The following MEIS2 variants were observed in gnomAD, a reference collection of about 807,000 sequenced individuals.
The protein encoded by MEIS2 is homeobox protein Meis2.
In MEIS2, 9 loss-of-function variants were observed where a neutral mutation model predicts 58.6. The observed-to-expected ratio is 0.15, with a 90% CI of 0.09 to 0.27. The LOEUF is 0.27. Ranked by LOEUF, MEIS2 falls within the 10% of genes least tolerant of loss-of-function variation. The probability of loss-of-function intolerance (pLI) is 1.00; values close to 1 mark genes in which losing one functional copy is unlikely to be tolerated. For missense variants in MEIS2, 427 were observed against 635.0 expected (o/e 0.67, Z 3.52); for synonymous variants, 221 against 228.4 (o/e 0.97, Z 0.29).
intron 9 of MEIS2, among the ~76,000 whole-genome samples, chr15:36,934,465 C>T (rs1595756421): frequency 6.6e-6 from 1 of 152,248 alleles, no homozygotes; most frequent in Non-Finnish European, 1.5e-5. Context: ...TCATCAGCCT[C>T]TTCCCTTGGT....
rs1031349912 is a variant in MEIS2 at position 37,036,677 on chromosome 15, T to G, written c.900+137A>C. On this transcript the variant is annotated intron_variant, in intron 8 of 11. Coordinates refer to ENST00000561208, the MANE Select transcript of MEIS2 (RefSeq NM_170675.5). ...TAATAGTTGATGAAAAAAAAAACTT[T>G]AACTAGTCTGTTAGTCATCAGATTT... The G allele has an allele frequency of 6.1e-6, 6 of 981,170 alleles. No homozygotes were observed. In the African/African-American group the frequency reaches 1.0e-4, roughly 16 times the overall value. The allele number at this position is 981,170 out of a possible 1,614,324, so 60.8% of individuals were successfully genotyped here.
At chr15:37,049,236 G>A (rs1384184651) in intron 7 of MEIS2, among the ~76,000 whole-genome samples, 3 of 152,062 alleles carry the variant, frequency 2.0e-5, no homozygotes, top group African/African-American at 4.8e-5. Flanking sequence ...ATCATTCTTC[G>A]TATAGCCTAT....
intron 3 of MEIS2, chr15:37,096,003 T>G: frequency 2.3e-6 from 1 of 432,100 alleles, no homozygotes; most frequent in Non-Finnish European, 4.2e-6. Context: ...CTTGTTCAAG[T>G]AGCTGGAGGC....
At chr15:37,090,941 C>T (rs936036292) in intron 6 of MEIS2, among the ~76,000 whole-genome samples, 6 of 152,170 alleles carry the variant, frequency 3.9e-5, no homozygotes, top group African/African-American at 1.4e-4. Context: ...AAACAACGCG[C>T]TGTCTGGGCC....
chr15:36,919,712 A>C (rs894242845), intron 9 of MEIS2, among the ~76,000 whole-genome samples: 4 of 152,210 alleles, frequency 2.6e-5, no homozygotes, highest in African/African-American at 9.6e-5. Context: ...TAAACATTGG[A>C]GGATGAACAT....
intron 7 of MEIS2, among the ~76,000 whole-genome samples, chr15:37,055,506 A>T (rs955690772): frequency 6.6e-6 from 1 of 152,290 alleles, no homozygotes; most frequent in South Asian, 2.1e-4. Flanking sequence ...ACATTACTCG[A>T]CTTCGGAAAC....
chr15:36,917,449 C>A (rs572658061), intron 9 of MEIS2, among the ~76,000 whole-genome samples: 2 of 152,246 alleles, frequency 1.3e-5, no homozygotes, highest in East Asian at 3.9e-4. Context: ...CGAAAGTAAG[C>A]CTTTACTCTG....
intron 8 of MEIS2, among the ~76,000 whole-genome samples, chr15:36,960,814 C>A (rs536427752): frequency 6.6e-6 from 1 of 152,172 alleles, no homozygotes; most frequent in Non-Finnish European, 1.5e-5. Flanking sequence ...GCATCATTAC[C>A]AGTCTACCAC....
chr15:37,061,910 A>T (rs192200678), intron 7 of MEIS2, among the ~76,000 whole-genome samples: 30 of 152,270 alleles, frequency 2.0e-4, no homozygotes, highest in African/African-American at 6.3e-4. Flanking sequence ...TGAAAAAAGC[A>T]AGCAGGATAT....
At chr15:37,069,610 T>C (rs1363967207) in intron 7 of MEIS2, among the ~76,000 whole-genome samples, 2 of 152,090 alleles carry the variant, frequency 1.3e-5, no homozygotes, top group East Asian at 3.9e-4. Context: ...GGGTAGAATG[T>C]AGGAATGCAG....
At chr15:36,971,955 C>T (rs945785319) in intron 8 of MEIS2, among the ~76,000 whole-genome samples, 1 of 152,148 alleles carries the variant, frequency 6.6e-6, no homozygotes, top group Non-Finnish European at 1.5e-5. Flanking sequence ...AAACTTCTTA[C>T]CTAAATGTCC....
At chr15:37,047,576 G>T (rs187009608) in intron 7 of MEIS2, among the ~76,000 whole-genome samples, 84 of 152,256 alleles carry the variant, frequency 5.5e-4, no homozygotes, top group Non-Finnish European at 1.0e-3. Flanking sequence ...GCTGAGGCTG[G>T]CCATTGAAAT....
chr15:37,098,379 GGAGAGAGA>G (rs534692479), intron 1 of MEIS2, 180 bp from the exon 2 acceptor site: 14,060 of 307,156 alleles, frequency 0.046, 144 homozygotes, highest in South Asian at 0.092. Flanking sequence ...GAGGAGAGGG[GGAGAGAGA>G]GAGAGAGAGA....
At position 37,096,189 on chromosome 15, in the gene MEIS2, T is replaced by C. The variant is rs996160779; in HGVS notation, c.387+100A>G. ...GAGCGGACTGGGCCAGAGGAACAGA[T>C]AGGGTGTCCCTGGCCTTTCCTCCTT... On this transcript the variant is annotated intron_variant, in intron 3 of 11. Coordinates refer to ENST00000561208, the MANE Select transcript of MEIS2 (RefSeq NM_170675.5). 30 of 1,306,996 alleles carry C rather than the reference T, an allele frequency of 2.3e-5. No homozygotes were observed. In the South Asian group the frequency reaches 3.0e-4, roughly 13 times the overall value. 81.0% of individuals were successfully genotyped at this position (1,306,996 alleles called of 1,614,324 possible). A position where few individuals can be genotyped will look rare whatever the true frequency, so the allele number is the denominator to read the frequency against.
At chr15:37,096,559 T>A (rs1894280613) in intron 2 of MEIS2, 129 bp from the exon 3 acceptor site, 10 of 1,121,546 alleles carry the variant, frequency 8.9e-6, no homozygotes, top group Non-Finnish European at 1.2e-5. Flanking sequence ...GCACCACACT[T>A]TACAACCCTT....
At chr15:36,941,373 G>A (rs1007556662) in intron 9 of MEIS2, among the ~76,000 whole-genome samples, 10 of 152,126 alleles carry the variant, frequency 6.6e-5, no homozygotes, top group Non-Finnish European at 1.5e-4. Flanking sequence ...AGAAAACTAT[G>A]AGAATCAGAT....
chr15:37,036,472 T>C (rs1366070749), intron 8 of MEIS2: 1 of 159,816 alleles, frequency 6.3e-6, no homozygotes, highest in African/African-American at 2.4e-5. Flanking sequence ...ATTTGTGAGC[T>C]CCTTACAGCC....
In MEIS2 at chr15:37,093,584, G is replaced by A. The variant is rs548323279; in HGVS notation, c.636C>T (p.Asp212=). The part of the protein sequence containing the change: ...ELSGSSTNLA[D]HNPSSWRDHD... ...TGCTAAAGGCTAGCAGACTTACATG[G>A]TCAGCGAGATTTGTGGAGGAGCCTG... The change falls in exon 6 of 12, where the codon GAC becomes GAT. Residue 212 remains aspartate, a synonymous_variant. Transcript: ENST00000561208. 1.5e-5 allele frequency: 25 copies of A among 1,614,106 alleles called. No individual in the cohort carries two copies. The South Asian group carries it at 2.6e-4, about 17-fold the overall frequency.
intron 11 of MEIS2, among the ~76,000 whole-genome samples, chr15:36,892,974 A>C (rs2055959704): frequency 6.6e-6 from 1 of 152,240 alleles, no homozygotes; most frequent in South Asian, 2.1e-4. Context: ...ATTTAAAATG[A>C]AGCCCCCTTT....
Sources: allele counts gnomAD v4.1 joint callset (sites outside exome capture counted in the v4.1 genomes callset), GRCh38; gene constraint gnomAD v4.1.1; transcripts MANE v1.5; gene names NCBI Gene and HGNC (gene_info 2026-07-23, HGNC 2026-07-21).